KIF1B: variants seen among roughly 807,000 people sequenced by gnomAD.
The protein encoded by KIF1B is kinesin family member 1B, also known as kinesin-like protein KIF1B.
In KIF1B, 76 loss-of-function variants were observed where a neutral mutation model predicts 241.9. That is an observed-to-expected ratio of 0.31 (90% confidence interval 0.26 to 0.38). The LOEUF (loss-of-function observed/expected upper bound fraction) is 0.38. KIF1B is among the 10% of genes least tolerant of loss of function. KIF1B has a pLI of 1.00. For synonymous variants in KIF1B, 750 were observed against 796.7 expected, an observed-to-expected ratio of 0.94 and a Z score of 0.99; for missense variants, 1,622 against 2,271.4, an observed-to-expected ratio of 0.71 and a Z score of 5.81.
At chr1:10,357,475 C>T (rs80249049) in intron 38 of KIF1B, among the ~76,000 whole-genome samples, 2,899 of 152,320 alleles carry the variant, frequency 0.019, 42 homozygotes, top group Non-Finnish European at 0.028. Context: ...ATGGCTCACA[C>T]CTGTAATACT....
chr1:10,254,976 TCTTA>T (rs1165325203), intron 2 of KIF1B, among the ~76,000 whole-genome samples: 1 of 151,454 alleles, frequency 6.6e-6, no homozygotes, highest in African/African-American at 2.4e-5. Flanking sequence ...TGAGATGAAG[TCTTA>T]CTCTGTCACC....
At chr1:10,262,893 G>C (rs1399342693) in intron 5 of KIF1B, among the ~76,000 whole-genome samples, 2 of 152,034 alleles carry the variant, frequency 1.3e-5, no homozygotes, top group Non-Finnish European at 2.9e-5. Flanking sequence ...ATAAAAACTT[G>C]GAAAGTAATT....
At chr1:10,372,638 G>A (rs1483891822) in intron 45 of KIF1B, among the ~76,000 whole-genome samples, 16 of 126,880 alleles carry the variant, frequency 1.3e-4, no homozygotes, top group Non-Finnish European at 1.8e-4. Context: ...AGATTGCGCC[G>A]CTGCGCGCCA....
At chr1:10,311,359 C>T (rs1011413332) in intron 22 of KIF1B, among the ~76,000 whole-genome samples, 66 of 150,912 alleles carry the variant, frequency 4.4e-4, no homozygotes, top group Non-Finnish European at 2.2e-4. Context: ...CAGGTGAACG[C>T]CACCACACCG....
At chr1:10,329,233 A>T (rs1443617060) in intron 27 of KIF1B, among the ~76,000 whole-genome samples, 2 of 152,224 alleles carry the variant, frequency 1.3e-5, no homozygotes, top group Admixed American at 1.3e-4. Context: ...ATAATATAAT[A>T]GCAATCAGTA....
chr1:10,221,754 T>C (rs1646847880), intron 1 of KIF1B, among the ~76,000 whole-genome samples: 1 of 152,180 alleles, frequency 6.6e-6, no homozygotes, highest in African/African-American at 2.4e-5. Context: ...CAGAGGAAAA[T>C]GTTATATTTT....
At chr1:10,368,688 G>A in intron 44 of KIF1B, 150 bp downstream of exon 44, 1 of 710,778 alleles carries the variant, frequency 1.4e-6, no homozygotes. Context: ...TACTGCTCTG[G>A]TATTCATTCT....
At chr1:10,320,817 C>CCTGCCT (rs1457943972) in intron 23 of KIF1B, among the ~76,000 whole-genome samples, 3 of 81,784 alleles carry the variant, frequency 3.7e-5, no homozygotes, top group Non-Finnish European at 6.3e-5. Context: ...ACCTCCGCCT[C>CCTGCCT]CTGCCTCCTA....
intron 40 of KIF1B, 28 bp from the exon 41 acceptor site, chr1:10,363,255 A>C (rs752768597): frequency 7.6e-6 from 12 of 1,580,348 alleles, no homozygotes; most frequent in Middle Eastern, 1.7e-4. Flanking sequence ...TTAAGAGATT[A>C]AACAATTGTT....
At chr1:10,283,326 A>G (rs1375973026) in intron 15 of KIF1B, among the ~76,000 whole-genome samples, 4 of 151,880 alleles carry the variant, frequency 2.6e-5, no homozygotes, top group Non-Finnish European at 5.9e-5. Flanking sequence ...TTGATGCCCT[A>G]TGATTACTGT....
intron 2 of KIF1B, among the ~76,000 whole-genome samples, chr1:10,244,737 C>A (rs1008273649): frequency 6.6e-6 from 1 of 151,944 alleles, no homozygotes; most frequent in Non-Finnish European, 1.5e-5. Flanking sequence ...CTCGGCCTCC[C>A]GAGTAGCTGG....
intron 43 of KIF1B, 64 bp from the exon 44 acceptor site, chr1:10,368,403 T>C (rs1638634672): frequency 2.8e-6 from 4 of 1,412,620 alleles, no homozygotes; most frequent in Non-Finnish European, 4.0e-6. Flanking sequence ...CGTGGTCAGC[T>C]ATCCCAAGGC....
rs78611156 is a variant in KIF1B, at chr1:10,334,565, C to G, written c.2970C>G (p.Ile990Met). Residue 990 changes from isoleucine to methionine, a missense_variant, in exon 28 of 49, where the codon ATC (isoleucine) becomes ATG (methionine). This residue lies in a region of KIF1B where 803 missense variants were observed against 1,112.0 expected (regional missense o/e 0.72). Transcript: ENST00000676179. Reference sequence around the variant, plus strand: ...ATCTGCTGTATCCCGTGCCCCTGATCCACAGGGTGGCCATCGTCAGTGAGA... The same window carrying G: ...ATCTGCTGTATCCCGTGCCCCTGATGCACAGGGTGGCCATCGTCAGTGAGA... ...LSNLLYPVPL[I>M]HRVAIVSEKG... 2 of 1,614,104 alleles carry G rather than the reference C, an allele frequency of 1.2e-6. No individual in the cohort carries two copies. Among genetic ancestry groups the G allele is most frequent in the East Asian group, 2.2e-5 (1 of 44,880 alleles).
At chr1:10,342,817 T>C (rs1451490260) in intron 33 of KIF1B, among the ~76,000 whole-genome samples, 2 of 152,214 alleles carry the variant, frequency 1.3e-5, no homozygotes, top group Non-Finnish European at 2.9e-5. Context: ...CAAATAGTCA[T>C]TACAAAAAGT....
chr1:10,323,021 C>T (rs1404486996), intron 24 of KIF1B, among the ~76,000 whole-genome samples: 1 of 152,142 alleles, frequency 6.6e-6, no homozygotes, highest in African/African-American at 2.4e-5. Context: ...ACTGCCTCCA[C>T]CTTCTGGGCT....
At chr1:10,270,831 T>C (rs930242988) in intron 7 of KIF1B, among the ~76,000 whole-genome samples, 6 of 149,208 alleles carry the variant, frequency 4.0e-5, no homozygotes, top group Admixed American at 2.7e-4. Context: ...GAGGCTGAGG[T>C]GGGAGAATCG....
chr1:10,332,361 C>T (rs113503076), intron 27 of KIF1B, among the ~76,000 whole-genome samples: 62 of 151,668 alleles, frequency 4.1e-4, no homozygotes, highest in African/African-American at 1.5e-3. Flanking sequence ...CCACCATGCC[C>T]GGCCCTTAAC....
rs114227159 is a variant in KIF1B, at chr1:10,271,842, G to A, written c.798+263G>A. Among the ~76,000 whole-genome samples, 1,021 of 152,278 alleles carry A rather than the reference G, an allele frequency of 6.7e-3. 10 individuals carry two copies. Among genetic ancestry groups the A allele is most frequent in the Middle Eastern group, 0.037 (11 of 294 alleles). ...GATAAGTTATCTAACTAAATAGTTAGGGAGCACATCATAGTCAGGGTGAGA... is the reference window on the plus strand; with the variant it reads ...GATAAGTTATCTAACTAAATAGTTAAGGAGCACATCATAGTCAGGGTGAGA... On this transcript the variant is annotated intron_variant, in intron 8 of 48. Coordinates refer to ENST00000676179, the MANE Select transcript of KIF1B (RefSeq NM_001365951.3).
chr1:10,330,370 A>G (rs911424764), intron 27 of KIF1B, among the ~76,000 whole-genome samples: 2 of 152,194 alleles, frequency 1.3e-5, no homozygotes, highest in Non-Finnish European at 1.5e-5. Context: ...ATGGCCTTCA[A>G]TGCTCCCACA....
Sources: gnomAD v4.1 joint callset for allele counts (sites outside exome capture counted in the v4.1 genomes callset) on GRCh38, gnomAD v4.1.1 for gene constraint, gnomAD v4.1.1 regional missense constraint, MANE v1.5 for transcripts, NCBI Gene and HGNC (gene_info 2026-07-23, HGNC 2026-07-21) for gene names.